The following NBL1 variants were observed in gnomAD, a reference collection of about 807,000 sequenced individuals.
NBL1 encodes NBL1, DAN family BMP antagonist.
Under a neutral mutation model 16.0 loss-of-function variants are expected in NBL1, and 9 were observed. The observed-to-expected ratio is 0.56, with a 90% CI of 0.34 to 0.98. The LOEUF (loss-of-function observed/expected upper bound fraction) is 0.98. NBL1 is among the 50% of genes least tolerant of loss of function. NBL1 has a pLI of 0.02. For missense variants in NBL1, 196 were observed against 243.1 expected (o/e 0.81, Z 1.29); for synonymous variants, 86 against 100.7 (o/e 0.85, Z 0.87).
rs887878236 is a variant in NBL1 at position 19,657,801 on chromosome 1, G to C, written c.*672G>C. The C allele has an allele frequency of 1.3e-5, 2 of 152,980 alleles. No individual in the cohort carries two copies. The highest frequency in any genetic ancestry group is 1.5e-5 in the Non-Finnish European group (1 of 68,324). 9.5% of individuals were successfully genotyped at this position (152,980 alleles called of 1,614,324 possible). ...CTCTGGCTTCCTTGGCTTGCCTGGT[G>C]GGGGAAGGGGAGGAGGGGAAGAAGG... On this transcript the variant is annotated 3_prime_UTR_variant, in exon 4 of 4. Coordinates refer to ENST00000375136, the MANE Select transcript of NBL1 (RefSeq NM_005380.8).
At position 19,644,394 on chromosome 1, in the gene NBL1, G is replaced by T. The variant is rs189886164; in HGVS notation, c.-72G>T. On this transcript the variant is annotated 5_prime_UTR_variant, in exon 1 of 4. Coordinates refer to ENST00000375136, the MANE Select transcript of NBL1 (RefSeq NM_005380.8). This position sits in a 1 kb window ranked among gnomAD's most constrained non-coding sequence, Gnocchi z 4.6. ...GCCGCCTCGCCGAGCCTCCTGGGGC[G>T]CCCGGGCCCGCGACCCCCGCACCCA... 0.024 allele frequency: 23,717 copies of T among 978,688 alleles called. 314 individuals are homozygous for T. Among genetic ancestry groups the T allele is most frequent in the South Asian group, 0.035 (751 of 21,256 alleles). The allele number at this position is 978,688 out of a possible 1,614,324, so 60.6% of individuals were successfully genotyped here.
intron 1 of NBL1, chr1:19,647,707 TG>T (rs2094989909): frequency 1.0e-6 from 1 of 982,784 alleles, no homozygotes; most frequent in East Asian, 1.1e-4. Flanking sequence ...GGGCCAAGTG[TG>T]GGGAGGTTCC....
chr1:19,644,149 G>C (rs2094962883), upstream of NBL1: 8 of 979,656 alleles, frequency 8.2e-6, no homozygotes, highest in African/African-American at 7.0e-5. The surrounding 1 kb of genome is among the most constrained non-coding windows in gnomAD (Gnocchi z 4.6). Context: ...GGCCCCTGCC[G>C]CCGCGGCGCC....
intron 1 of NBL1, among the ~76,000 whole-genome samples, chr1:19,654,336 G>A (rs1570566308): frequency 6.6e-6 from 1 of 152,192 alleles, no homozygotes. Context: ...CAGGGAAGTC[G>A]AGGCTTCAGT....
intron 1 of NBL1, among the ~76,000 whole-genome samples, chr1:19,650,624 G>A (rs900481262): frequency 6.6e-6 from 1 of 152,152 alleles, no homozygotes; most frequent in Non-Finnish European, 1.5e-5. Context: ...TTTCCTTCCC[G>A]CCCTCGCTTT....
chr1:19,650,647 T>C (rs773945150), intron 1 of NBL1, among the ~76,000 whole-genome samples: 5 of 151,848 alleles, frequency 3.3e-5, no homozygotes, highest in Non-Finnish European at 7.4e-5. Flanking sequence ...GGGAGTCCCA[T>C]GACTTGCTGT....
At chr1:19,655,676 T>C (rs2095052214) in intron 3 of NBL1, among the ~76,000 whole-genome samples, 1 of 152,228 alleles carries the variant, frequency 6.6e-6, no homozygotes, top group African/African-American at 2.4e-5. Flanking sequence ...CTGATGTCTC[T>C]CATGGGCTGA....
Position 19,657,370 on chromosome 1 carries a change from TG to T in NBL1, c.*249del, listed in dbSNP as rs3833542. On this transcript the variant is annotated 3_prime_UTR_variant, in exon 4 of 4. Transcript: ENST00000375136. ...GCAGAGGTCTTCAGGGCTCTTTTTTTGGGGGGGGTGGTCTCTTCCTGTCTGG... is the reference window on the plus strand; with the variant it reads ...GCAGAGGTCTTCAGGGCTCTTTTTTTGGGGGGGTGGTCTCTTCCTGTCTGG... 7.6e-5 allele frequency: 11 copies of T among 144,230 alleles called. No individual in the cohort carries two copies. The highest frequency in any genetic ancestry group is 5.1e-4 in the East Asian group (3 of 5,928). The allele number at this position is 144,230 out of a possible 1,614,324, so 8.9% of individuals were successfully genotyped here. A position where few individuals can be genotyped will look rare whatever the true frequency, so the allele number is the denominator to read the frequency against.
At chr1:19,644,222 T>C (rs2100379334), upstream of NBL1, 1 of 975,252 alleles carries the variant, frequency 1.0e-6, no homozygotes, top group Non-Finnish European at 1.2e-6. The surrounding 1 kb of genome is among the most constrained non-coding windows in gnomAD (Gnocchi z 4.6). Context: ...CGCGCGGCCC[T>C]CCCCGCTGCC....
chr1:19,645,795 G>C (rs564829079), intron 1 of NBL1: 1 of 1,434,082 alleles, frequency 7.0e-7, no homozygotes, highest in Admixed American at 2.4e-5. Flanking sequence ...AGGGGAGTAG[G>C]TGTTCTGCAT....
chr1:19,645,372 G>C, intron 1 of NBL1: 1 of 986,532 alleles, frequency 1.0e-6, no homozygotes, highest in East Asian at 1.1e-4. Flanking sequence ...GATTCTGATC[G>C]TTTACAAGCG....
rs1264477341 is a variant in NBL1, at chr1:19,655,179, A to G, written c.149A>G (p.Glu50Gly). 6.2e-7 allele frequency: 1 copy of G among 1,608,650 alleles called. No individual in the cohort carries two copies. The highest frequency in any genetic ancestry group is 1.1e-5 in the South Asian group (1 of 90,294). The change falls in exon 2 of 4, where the codon GAG (glutamate) becomes GGG (glycine). Residue 50 changes from glutamate to glycine, a missense_variant. By Grantham distance (98) the Glu-to-Gly change is moderately conservative. Coordinates refer to ENST00000375136, the MANE Select transcript of NBL1 (RefSeq NM_005380.8). ...ITQIVGHSGC[E>G]AKSIQNRACL... Reference sequence around the variant, plus strand: ...CAGATCGTGGGCCACAGCGGCTGTGAGGCCAAGTCCATCCAGAACAGGTGG... The same window carrying G: ...CAGATCGTGGGCCACAGCGGCTGTGGGGCCAAGTCCATCCAGAACAGGTGG...
intron 1 of NBL1, among the ~76,000 whole-genome samples, chr1:19,648,881 G>T (rs1016089511): frequency 2.0e-5 from 3 of 152,092 alleles, no homozygotes; most frequent in Non-Finnish European, 2.9e-5. Flanking sequence ...CTTTACCAGG[G>T]CTCCAAGAGC....
chr1:19,646,020 CAGGAGGGTCTGCGGTA>C, intron 1 of NBL1: 1 of 1,550,490 alleles, frequency 6.4e-7, no homozygotes, highest in Non-Finnish European at 8.7e-7. Flanking sequence ...CGTTTGCGGG[CAGGAGGGTCTGCGGTA>C]AGGAGGGCCG....
chr1:19,653,136 A>T (rs181636152), intron 1 of NBL1, among the ~76,000 whole-genome samples: 1 of 150,960 alleles, frequency 6.6e-6, no homozygotes, highest in African/African-American at 2.4e-5. Flanking sequence ...AAATACAAAA[A>T]ATTAGTGGGG....
chr1:19,648,953 G>T (rs2095003903), intron 1 of NBL1, among the ~76,000 whole-genome samples: 1 of 152,176 alleles, frequency 6.6e-6, no homozygotes, highest in Non-Finnish European at 1.5e-5. Context: ...TTGAACTCTG[G>T]TCTGTGGAGC....
At chr1:19,650,574 C>T (rs2095017729) in intron 1 of NBL1, among the ~76,000 whole-genome samples, 1 of 152,152 alleles carries the variant, frequency 6.6e-6, no homozygotes, top group Non-Finnish European at 1.5e-5. Flanking sequence ...TTGGGACAGC[C>T]CCTTGCAGAG....
intron 1 of NBL1, among the ~76,000 whole-genome samples, chr1:19,649,069 C>T: frequency 6.6e-6 from 1 of 152,098 alleles, no homozygotes; most frequent in Non-Finnish European, 1.5e-5. Context: ...CATCCTGACT[C>T]CAGATTCCAT....
chr1:19,643,577 A>G (rs1017835759), upstream of NBL1: 1 of 1,409,826 alleles, frequency 7.1e-7, no homozygotes, highest in Admixed American at 2.9e-5. This position sits in a 1 kb window ranked among gnomAD's most constrained non-coding sequence, Gnocchi z 4.7. Context: ...CCCCGAGGTG[A>G]GGCTGGAAGC....
Sources: gnomAD v4.1 joint callset for allele counts (sites outside exome capture counted in the v4.1 genomes callset) on GRCh38, gnomAD v4.1.1 for gene constraint, Gnocchi (gnomAD v3.1) non-coding constraint, MANE v1.5 for transcripts, NCBI Gene and HGNC (gene_info 2026-07-23, HGNC 2026-07-21) for gene names.